CSMD3: variants seen among roughly 807,000 people sequenced by gnomAD.
The protein encoded by CSMD3 is CUB and Sushi multiple domains 3.
Under a neutral mutation model 435.2 loss-of-function variants are expected in CSMD3, and 177 were observed. That is an observed-to-expected ratio of 0.41 (90% CI 0.36 to 0.46). The LOEUF (loss-of-function observed/expected upper bound fraction) is 0.46, where lower values mean the gene tolerates loss of function less well. Among genes scored for constraint, CSMD3 ranks in the 20% least tolerant of loss-of-function variants. The probability of loss-of-function intolerance (pLI) is 0.34; values close to 1 mark genes in which losing one functional copy is unlikely to be tolerated. For synonymous variants in CSMD3, 1,656 were observed against 1,520.5 expected (o/e 1.09, Z -2.07); for missense variants, 4,265 against 4,504.6 (o/e 0.95, Z 1.52).
intron 4 of CSMD3, among the ~76,000 whole-genome samples, chr8:113,144,976 T>TA (rs1378050746): frequency 6.6e-6 from 1 of 151,640 alleles, no homozygotes; most frequent in Non-Finnish European, 1.5e-5. Context: ...ATAGAAGGTC[T>TA]ATCAAATGCT....
chr8:112,538,195 T>C (rs555350636), intron 27 of CSMD3, among the ~76,000 whole-genome samples: 296 of 152,114 alleles, frequency 1.9e-3, no homozygotes, highest in Middle Eastern at 3.4e-3. Flanking sequence ...GGAATATATC[T>C]AAAAATAACA....
At chr8:112,696,243 C>T (rs552123347) in intron 13 of CSMD3, among the ~76,000 whole-genome samples, 1 of 152,070 alleles carries the variant, frequency 6.6e-6, no homozygotes, top group South Asian at 2.1e-4. Context: ...TCATATGGAA[C>T]CAAAAAAGGG....
chr8:112,984,193 A>G (rs1348067852), intron 6 of CSMD3, among the ~76,000 whole-genome samples: 2 of 151,862 alleles, frequency 1.3e-5, no homozygotes, highest in Non-Finnish European at 2.9e-5. Flanking sequence ...ATATATTTGG[A>G]TATTTATATT....
intron 29 of CSMD3, 95 bp from the exon 30 acceptor site, chr8:112,504,072 T>C (rs1822263914): frequency 1.3e-6 from 1 of 742,414 alleles, no homozygotes; most frequent in South Asian, 1.9e-5. Context: ...CAAACATTAA[T>C]TCAGTGCTTA....
intron 1 of CSMD3, among the ~76,000 whole-genome samples, chr8:113,371,707 T>A (rs7842307): frequency 0.93 from 142,172 of 152,184 alleles, 66,525 homozygotes; most frequent in East Asian, 1. Context: ...TTACAGACTG[T>A]GTCTTTAAGC....
At chr8:113,158,898 G>T (rs1378329419) in intron 4 of CSMD3, among the ~76,000 whole-genome samples, 2 of 151,810 alleles carry the variant, frequency 1.3e-5, no homozygotes. Flanking sequence ...GAAATGTGAC[G>T]GAAAAAATAA....
intron 31 of CSMD3, among the ~76,000 whole-genome samples, chr8:112,486,643 A>C (rs1820162276): frequency 6.6e-6 from 1 of 152,060 alleles, no homozygotes. Context: ...GAAACACATA[A>C]TCTCTTTATT....
intron 3 of CSMD3, among the ~76,000 whole-genome samples, chr8:113,267,563 G>A (rs1209856036): frequency 6.6e-6 from 1 of 151,652 alleles, no homozygotes; most frequent in East Asian, 1.9e-4. Context: ...GAGGTAGATG[G>A]TGGGAAGATA....
intron 1 of CSMD3, among the ~76,000 whole-genome samples, chr8:113,409,374 C>T (rs767921333): frequency 5.9e-5 from 9 of 151,972 alleles, no homozygotes; most frequent in Admixed American, 2.0e-4. Flanking sequence ...TGAGCCACCG[C>T]GCCCGGCCAA....
At chr8:112,468,901 A>C (rs1305160971) in intron 32 of CSMD3, among the ~76,000 whole-genome samples, 1 of 152,054 alleles carries the variant, frequency 6.6e-6, no homozygotes, top group Non-Finnish European at 1.5e-5. Flanking sequence ...CTGCAGGATG[A>C]ATATTTCCAA....
chr8:112,496,887 T>G (rs1821407610), intron 30 of CSMD3, among the ~76,000 whole-genome samples: 1 of 152,106 alleles, frequency 6.6e-6, no homozygotes, highest in Non-Finnish European at 1.5e-5. Flanking sequence ...CAGTATTTGA[T>G]AGCACAACAG....
At chr8:112,823,045 G>A (rs231298) in intron 12 of CSMD3, among the ~76,000 whole-genome samples, 44,366 of 151,970 alleles carry the variant, frequency 0.29, 6,743 homozygotes, top group Non-Finnish European at 0.32. Context: ...TCACTATTTT[G>A]TTGAGGATTT....
In CSMD3 at chr8:113,016,563, G is replaced by A. The variant is rs73349966; in HGVS notation, c.1030+2504C>T. On this transcript the variant is annotated intron_variant, in intron 6 of 70. Transcript: ENST00000297405. ...GTTATGAGTAAAATATTCAGTCTTT[G>A]GAAACCTGCAGATTCCTAAAAATAT... Among the ~76,000 whole-genome samples, 1,435 of 151,748 alleles carry A rather than the reference G, an allele frequency of 9.5e-3. 15 individuals carry two copies. Among genetic ancestry groups the A allele is most frequent in the African/African-American group, 0.031 (1,300 of 41,446 alleles).
intron 3 of CSMD3, among the ~76,000 whole-genome samples, chr8:113,247,517 T>C (rs2093288186): frequency 6.6e-6 from 1 of 152,114 alleles, no homozygotes; most frequent in Admixed American, 6.6e-5. Flanking sequence ...TGAGATTTAA[T>C]CACTTTTTGT....
At chr8:112,580,427 T>G (rs922926423) in intron 23 of CSMD3, among the ~76,000 whole-genome samples, 1 of 151,782 alleles carries the variant, frequency 6.6e-6, no homozygotes, top group African/African-American at 2.4e-5. Context: ...TCTTACCCTT[T>G]TTGTAGGAGG....
intron 53 of CSMD3, among the ~76,000 whole-genome samples, chr8:112,299,996 A>G (rs1476626287): frequency 6.6e-6 from 1 of 151,040 alleles, no homozygotes; most frequent in Non-Finnish European, 1.5e-5. Flanking sequence ...TATATAATAC[A>G]CAATAACAAT....
chr8:112,855,482 T>C (rs1383083094), intron 11 of CSMD3, among the ~76,000 whole-genome samples: 1 of 152,108 alleles, frequency 6.6e-6, no homozygotes, highest in Non-Finnish European at 1.5e-5. Flanking sequence ...AGAAACTCTT[T>C]CTGTCTAAAA....
intron 20 of CSMD3, among the ~76,000 whole-genome samples, chr8:112,639,373 G>A (rs2074753263): frequency 1.3e-5 from 2 of 152,074 alleles, no homozygotes; most frequent in Admixed American, 6.6e-5. Flanking sequence ...AACAGGCATA[G>A]GGAATGCTAT....
Position 112,341,613 on chromosome 8 carries a change from T to A in CSMD3, c.6516A>T (p.Ser2172=). 1 of 1,613,394 alleles carries A rather than the reference T, an allele frequency of 6.2e-7. No homozygotes were observed. Among genetic ancestry groups the A allele is most frequent in the East Asian group, 2.2e-5 (1 of 44,836 alleles). ...GCCGGCCAATAACAGTACTAGTTTC[T>A]GAGGATCCACTTCGTACTTCCAAAT... is the stretch of plus-strand genomic sequence containing the variant. The part of the protein sequence containing the change: ...HDYLEVRSGS[S]ETSTVIGRLS... The change falls in exon 42 of 71, where the codon TCA becomes TCT. Residue 2172 remains serine (S), a synonymous_variant. Coordinates refer to ENST00000297405, the MANE Select transcript of CSMD3 (RefSeq NM_198123.2).
Sources: allele counts gnomAD v4.1 joint callset (sites outside exome capture counted in the v4.1 genomes callset), GRCh38; gene constraint gnomAD v4.1.1; transcripts MANE v1.5; gene names NCBI Gene and HGNC (gene_info 2026-07-23, HGNC 2026-07-21).